Variants in VAMP4 observed in about 807,000 individuals in gnomAD.
VAMP4 encodes the protein vesicle-associated membrane protein 4.
VAMP4 carries 19 observed loss-of-function variants against 23.5 expected under a neutral mutation model. The ratio of observed to expected loss-of-function variants is 0.81; its 90% CI spans 0.56 to 1.19. The LOEUF is 1.19. Among genes scored for constraint, VAMP4 ranks in the 50% most tolerant of loss-of-function variants. The pLI, the probability that VAMP4 is intolerant of heterozygous loss-of-function variation, is 0.00. For missense variants in VAMP4, 145 were observed against 168.6 expected (o/e 0.86, Z 0.78); for synonymous variants, 31 against 51.0 (o/e 0.61, Z 1.67).
intron 2 of VAMP4, among the ~76,000 whole-genome samples, chr1:171,729,915 T>C (rs1655506338): frequency 6.6e-6 from 1 of 152,078 alleles, no homozygotes; most frequent in Non-Finnish European, 1.5e-5. Context: ...GAAAAGATCA[T>C]TATGAATTAT....
intron 4 of VAMP4, among the ~76,000 whole-genome samples, chr1:171,711,968 G>A (rs1297748958): frequency 6.6e-6 from 1 of 152,072 alleles, no homozygotes; most frequent in Non-Finnish European, 1.5e-5. Context: ...ACAGTATTCA[G>A]TGCAGTCACA....
Position 171,727,123 on chromosome 1 carries a change from C to T in VAMP4, c.113+1401G>A, listed in dbSNP as rs1347841255. On this transcript the variant is annotated intron_variant, in intron 3 of 7. Transcript: ENST00000236192. ...GGTGTGATGGCACACACCCGTAGTC[C>T]CAGCTACTTGGGAGGCTGAGGCGAG... Among the ~76,000 whole-genome samples the T allele has an allele frequency of 3.3e-5, 5 of 151,224 alleles. No homozygotes were observed. The East Asian group carries it at 7.8e-4, about 24-fold the overall frequency.
chr1:171,704,513 C>A lies in VAMP4; in HGVS notation c.419G>T (p.Arg140Leu). Residue 140 changes from arginine (R) to leucine (L), a missense_variant, in exon 8 of 8, where the codon CGT (arginine) becomes CTT (leucine). By Grantham distance (102) the Arg-to-Leu change is moderately radical (BLOSUM62 -2). Coordinates refer to ENST00000236192, the MANE Select transcript of VAMP4 (RefSeq NM_003762.5). ...VIIILIVMKY[R>L]T is the part of the protein sequence containing the mutation. The stretch of plus-strand genomic sequence containing the variant: ...AAGATCTCTGTCATCAAATCAAGTA[C>A]GGTATTTCATGACTATAAGAACTGT... 6.3e-7 allele frequency: 1 copy of A among 1,580,788 alleles called. No homozygotes were observed.
rs1454011469 is a variant in VAMP4 at position 171,706,257 on chromosome 1, T to TTATTCAATC, written c.397+101_397+109dup. Reference sequence around the variant, plus strand: ...AGCTCCTGAGACAGGTCAGAAGTCATTATTCAATCCTGACTTCAGACATAC... The same window carrying TTATTCAATC: ...AGCTCCTGAGACAGGTCAGAAGTCATTATTCAATCTATTCAATCCTGACTTCAGACATAC... On this transcript the variant is annotated intron_variant, in intron 7 of 7. Coordinates refer to ENST00000236192, the MANE Select transcript of VAMP4 (RefSeq NM_003762.5). The TTATTCAATC allele has an allele frequency of 2.0e-4, 199 of 979,822 alleles. 1 individual carries two copies. The East Asian group carries it at 5.0e-3, about 24-fold the overall frequency. The allele number at this position is 979,822 out of a possible 1,614,324, so 60.7% of individuals were successfully genotyped here. A position where few individuals can be genotyped will look rare whatever the true frequency, so the allele number is the denominator to read the frequency against.
chr1:171,736,955 T>G (rs776565619), intron 2 of VAMP4, among the ~76,000 whole-genome samples: 1 of 152,152 alleles, frequency 6.6e-6, no homozygotes. Flanking sequence ...TCAGCCTCAA[T>G]GACAGAGCGA....
chr1:171,721,307 G>C (rs1558110232), intron 3 of VAMP4, among the ~76,000 whole-genome samples: 1 of 152,078 alleles, frequency 6.6e-6, no homozygotes, highest in East Asian at 1.9e-4. Flanking sequence ...GTTCTAATCA[G>C]AGCAATAAGC....
chr1:171,729,893 G>C (rs1020654086), intron 2 of VAMP4, among the ~76,000 whole-genome samples: 2 of 152,088 alleles, frequency 1.3e-5, no homozygotes, highest in African/African-American at 2.4e-5. Flanking sequence ...ATGTGATCAC[G>C]GATCTTGAGA....
rs1451268823 is a variant in VAMP4, at chr1:171,703,466, T to TAC, written c.*1039_*1040insGT. 1.7e-5 allele frequency: 2 copies of TAC among 120,202 alleles called. No homozygotes were observed. The highest frequency in any genetic ancestry group is 6.2e-5 in the African/African-American group (2 of 32,356). The allele number at this position is 120,202 out of a possible 1,614,324, so 7.4% of individuals were successfully genotyped here. On this transcript the variant is annotated 3_prime_UTR_variant, in exon 8 of 8. Transcript: ENST00000236192. Reference sequence around the variant, plus strand: ...ATATATATATATATATATATATATATATACACATAGGTTCCTGACTTTCTA... The same window carrying TAC: ...ATATATATATATATATATATATATATACATACACATAGGTTCCTGACTTTCTA...
intron 3 of VAMP4, 60 bp downstream of exon 3, chr1:171,728,464 A>C: frequency 7.4e-7 from 1 of 1,344,004 alleles, no homozygotes; most frequent in South Asian, 1.4e-5. Flanking sequence ...AGTATATTTT[A>C]GATATATGCA....
At chr1:171,730,125 A>C (rs927394333) in intron 2 of VAMP4, among the ~76,000 whole-genome samples, 1 of 152,214 alleles carries the variant, frequency 6.6e-6, no homozygotes, top group African/African-American at 2.4e-5. Context: ...TGGCACCTTG[A>C]TTTTAGCCCT....
chr1:171,719,302 A>T (rs1366090626), intron 3 of VAMP4, 81 bp from the exon 4 acceptor site: 13 of 1,191,716 alleles, frequency 1.1e-5, no homozygotes, highest in Non-Finnish European at 1.6e-5. Flanking sequence ...AGTATACACA[A>T]ATACAAACAA....
chr1:171,714,336 T>C (rs1245992726), intron 4 of VAMP4, among the ~76,000 whole-genome samples: 2 of 152,236 alleles, frequency 1.3e-5, no homozygotes, highest in Non-Finnish European at 2.9e-5. Context: ...GTCCCCATTG[T>C]TATACTATAA....
At chr1:171,737,463 A>G (rs114941994) in intron 2 of VAMP4, among the ~76,000 whole-genome samples, 113 of 152,366 alleles carry the variant, frequency 7.4e-4, no homozygotes, top group African/African-American at 2.6e-3. Flanking sequence ...GGAATAAACT[A>G]GAAATTGAAG....
chr1:171,728,496 C>T (rs1280299100), intron 3 of VAMP4, 28 bp downstream of exon 3: 4 of 1,491,366 alleles, frequency 2.7e-6, no homozygotes, highest in East Asian at 2.4e-5. Flanking sequence ...TCAATTACAC[C>T]CTAATAAAGC....
intron 7 of VAMP4, among the ~76,000 whole-genome samples, 195 bp from the exon 8 acceptor site, chr1:171,704,729 ACATTGG>A (rs1000860825): frequency 1.3e-5 from 2 of 152,020 alleles, no homozygotes; most frequent in African/African-American, 4.8e-5. Context: ...TAAATGTCTA[ACATTGG>A]CATCTTAAAT....
At chr1:171,741,671 C>T (rs1655927485) in intron 1 of VAMP4, among the ~76,000 whole-genome samples, 1 of 152,066 alleles carries the variant, frequency 6.6e-6, no homozygotes. Context: ...CAGAGTACCC[C>T]TCAATTCCAA....
At chr1:171,731,906 A>G (rs546244627) in intron 2 of VAMP4, among the ~76,000 whole-genome samples, 1 of 152,356 alleles carries the variant, frequency 6.6e-6, no homozygotes, top group South Asian at 2.1e-4. Flanking sequence ...TGATTTTACA[A>G]TAATAAAATA....
At position 171,719,225 on chromosome 1, in the gene VAMP4, A is replaced by T. The variant is rs1429611616; in HGVS notation, c.114-4T>A. 1 of 1,611,146 alleles carries T rather than the reference A, an allele frequency of 6.2e-7. No individual in the cohort carries two copies. Among genetic ancestry groups the T allele is most frequent in the East Asian group, 2.2e-5 (1 of 44,768 alleles). The stretch of plus-strand genomic sequence containing the variant: ...TCTTGGTCCAGATGGTCCCCTTCTG[A>T]AAACAAGTACATACCAAGTACATAT... On this transcript the variant is annotated splice_polypyrimidine_tract_variant and splice_region_variant and intron_variant, in intron 3 of 7. Transcript: ENST00000236192.
chr1:171,706,819 T>C (rs1654669937), intron 6 of VAMP4, among the ~76,000 whole-genome samples: 1 of 152,328 alleles, frequency 6.6e-6, no homozygotes, highest in Middle Eastern at 3.4e-3. Context: ...CTCACATTAG[T>C]AATAAGCCCA....
Sources: gnomAD v4.1 joint callset for allele counts (sites outside exome capture counted in the v4.1 genomes callset) on GRCh38, gnomAD v4.1.1 for gene constraint, MANE v1.5 for transcripts, NCBI Gene and HGNC (gene_info 2026-07-23, HGNC 2026-07-21) for gene names.